RFC1: variants seen among roughly 807,000 people sequenced by gnomAD.
RFC1 encodes replication factor C subunit 1.
A neutral mutation model predicts 137.4 loss-of-function variants in RFC1; 37 were observed. The ratio of observed to expected loss-of-function variants is 0.27; its 90% confidence interval spans 0.21 to 0.35. RFC1 has a LOEUF of 0.35. Among genes scored for constraint, RFC1 ranks in the 10% least tolerant of loss-of-function variants. The pLI, the probability that RFC1 is intolerant of heterozygous loss-of-function variation, is 1.00. For missense variants in RFC1, 1,205 were observed against 1,358.5 expected, an observed-to-expected ratio of 0.89 and a Z score of 1.78; for synonymous variants, 429 against 455.7, an observed-to-expected ratio of 0.94 and a Z score of 0.75.
chr4:39,336,825 A>C (rs187878278), intron 4 of RFC1, among the ~76,000 whole-genome samples: 41 of 152,392 alleles, frequency 2.7e-4, no homozygotes, highest in African/African-American at 8.9e-4. Context: ...ACAGTTATTC[A>C]TAAGAAACTA....
intron 13 of RFC1, among the ~76,000 whole-genome samples, chr4:39,307,081 C>T (rs1425370853): frequency 6.6e-6 from 1 of 152,204 alleles, no homozygotes; most frequent in Non-Finnish European, 1.5e-5. Flanking sequence ...CTTAGCCCCT[C>T]TGTGCCTGCC....
At chr4:39,337,329 G>A (rs1392778500) in intron 4 of RFC1, among the ~76,000 whole-genome samples, 4 of 148,614 alleles carry the variant, frequency 2.7e-5, no homozygotes, top group South Asian at 2.1e-4. Flanking sequence ...ACCCAAGATC[G>A]CACCATTGCA....
intron 4 of RFC1, among the ~76,000 whole-genome samples, chr4:39,330,708 T>C (rs117690419): frequency 6.6e-6 from 1 of 152,328 alleles, no homozygotes; most frequent in East Asian, 1.9e-4. Flanking sequence ...ACTAAAGTGT[T>C]TGCAACCGAA....
intron 7 of RFC1, 174 bp from the exon 8 acceptor site, chr4:39,321,548 T>G: frequency 1.8e-6 from 1 of 560,526 alleles, no homozygotes; most frequent in Non-Finnish European, 3.1e-6. Context: ...GCATATTTTA[T>G]TACTTCATGT....
intron 1 of RFC1, 144 bp from the exon 2 acceptor site, chr4:39,351,620 G>T: frequency 1.6e-6 from 1 of 622,822 alleles, no homozygotes; most frequent in Non-Finnish European, 2.5e-6. Flanking sequence ...GAATATAGTA[G>T]CTTTCTTTTC....
rs1344134089 is a variant in RFC1 at position 39,289,851 on chromosome 4, G to A, written c.3357C>T (p.Ile1119=). 6.2e-7 allele frequency: 1 copy of A among 1,606,386 alleles called. No homozygotes were observed. The highest frequency in any genetic ancestry group is 2.2e-5 in the East Asian group (1 of 44,834). Residue 1119 remains isoleucine (I), a synonymous_variant, in exon 24 of 25, where the codon ATC becomes ATT. Transcript: ENST00000349703. ...TGTCTGTGGCTTAAAATACTACCTT[G>A]ATCATGGCATCAGTTTCTATAGCAT... is the stretch of plus-strand genomic sequence containing the variant. ...DQDAIETDAM[I]KKKTKSSKPS...
chr4:39,306,693 C>T lies in RFC1; in HGVS notation c.1894G>A (p.Gly632Ser). 3.1e-6 allele frequency: 5 copies of T among 1,609,108 alleles called. No individual in the cohort carries two copies. Among genetic ancestry groups the T allele is most frequent in the African/African-American group, 1.3e-5 (1 of 74,950 alleles). ...SSEDKKHAKF[G>S]KFSGKDDGSS... ...CCATCATCTTTGCCGGAAAATTTAC[C>T]AAACTTTGCTGCTAGGAAAAAAGAA... is the stretch of plus-strand genomic sequence containing the variant. Residue 632 changes from glycine (G) to serine (S), a missense_variant, in exon 14 of 25, where the codon GGT (glycine) becomes AGT (serine). Coordinates refer to ENST00000349703, the MANE Select transcript of RFC1 (RefSeq NM_002913.5).
chr4:39,345,428 T>G lies in RFC1; in HGVS notation c.181A>C (p.Lys61Gln), dbSNP rs748251247. Residue 61 changes from lysine (K) to glutamine (Q), a missense_variant, in exon 3 of 25, where the codon AAG becomes CAG. Physicochemically the swap from Lys to Gln is moderately conservative, Grantham distance 53 (BLOSUM62 1). This residue lies in a region of RFC1 where 962 missense variants were observed against 1,035.3 expected (regional missense o/e 0.93). Coordinates refer to ENST00000349703, the MANE Select transcript of RFC1 (RefSeq NM_002913.5). ...EDDFKQKQPS[K>Q]KKRIIYDSDS... Reference sequence around the variant, plus strand: ...GAATCATAGATGATCCTCTTTTTCTTGCTTGGTTGCTTTTGTTTGAAGTCA... The same window carrying G: ...GAATCATAGATGATCCTCTTTTTCTGGCTTGGTTGCTTTTGTTTGAAGTCA... The G allele has an allele frequency of 1.1e-5, 17 of 1,613,918 alleles. No individual in the cohort carries two copies. The highest frequency in any genetic ancestry group is 1.4e-5 in the Non-Finnish European group (17 of 1,179,968).
intron 2 of RFC1, among the ~76,000 whole-genome samples, chr4:39,346,738 G>A (rs564915064): frequency 3.4e-4 from 52 of 152,152 alleles, no homozygotes; most frequent in South Asian, 1.5e-3. Flanking sequence ...TATACCACTG[G>A]ATCAAGGACA....
Position 39,320,627 on chromosome 4 carries a change from G to A in RFC1, c.851C>T (p.Pro284Leu). 1 of 1,601,676 alleles carries A rather than the reference G, an allele frequency of 6.2e-7. No homozygotes were observed. Among genetic ancestry groups the A allele is most frequent in the Non-Finnish European group, 8.5e-7 (1 of 1,176,716 alleles). ...ACTTTCATATTTACTTTGCTTCCTA[G>A]GACTGTAGCTCTTTCTTTCATCTGA... ...QVSDERKSYSPRKQSKYESSK... is the reference protein window; with the variant it reads ...QVSDERKSYSLRKQSKYESSK... The change falls in exon 9 of 25, where the codon CCT becomes CTT. Residue 284 changes from proline to leucine, a missense_variant. This residue lies in a region of RFC1 where 962 missense variants were observed against 1,035.3 expected (regional missense o/e 0.93). Transcript: ENST00000349703.
chr4:39,341,805 T>G (rs540343097), intron 4 of RFC1: 4 of 365,612 alleles, frequency 1.1e-5, no homozygotes, highest in African/African-American at 4.2e-5. Context: ...AACAAAATAT[T>G]TGAGATTAGC....
chr4:39,360,040 T>C (rs112345539), intron 1 of RFC1, among the ~76,000 whole-genome samples: 2,174 of 151,886 alleles, frequency 0.014, 48 homozygotes, highest in African/African-American at 0.05. Flanking sequence ...AAAATAATAA[T>C]AAATAAATAA....
intron 1 of RFC1, among the ~76,000 whole-genome samples, chr4:39,357,259 C>T (rs1020943703): frequency 6.6e-6 from 1 of 152,140 alleles, no homozygotes; most frequent in African/African-American, 2.4e-5. Context: ...AGGCCACTCC[C>T]ATGACAGCAA....
At chr4:39,364,501 C>T (rs1434551824) in intron 1 of RFC1, among the ~76,000 whole-genome samples, 1 of 152,152 alleles carries the variant, frequency 6.6e-6, no homozygotes, top group Non-Finnish European at 1.5e-5. Context: ...TTTTTATCTG[C>T]ACCATGAACA....
At position 39,295,534 on chromosome 4, in the gene RFC1, T is replaced by C. The variant is rs1408180047; in HGVS notation, c.2954+80A>G. On this transcript the variant is annotated intron_variant, in intron 22 of 24. Transcript: ENST00000349703. ...AAATAAAAACTAAAACACAAATCTTTTGACTCACATGATCATTACTGGATA... is the reference window on the plus strand; with the variant it reads ...AAATAAAAACTAAAACACAAATCTTCTGACTCACATGATCATTACTGGATA... 5 of 1,187,740 alleles carry C rather than the reference T, an allele frequency of 4.2e-6. No homozygotes were observed. In the East Asian group the frequency reaches 9.9e-5, roughly 24 times the overall value. The allele number at this position is 1,187,740 out of a possible 1,614,324, so 73.6% of individuals were successfully genotyped here.
chr4:39,346,496 T>C (rs969543535), intron 2 of RFC1, among the ~76,000 whole-genome samples: 5 of 151,260 alleles, frequency 3.3e-5, no homozygotes, highest in Admixed American at 1.3e-4. Flanking sequence ...AAAAAAGTAC[T>C]AAATAAAACC....
chr4:39,363,033 G>T (rs1327242626), intron 1 of RFC1, among the ~76,000 whole-genome samples: 1 of 152,228 alleles, frequency 6.6e-6, no homozygotes, highest in Non-Finnish European at 1.5e-5. Flanking sequence ...CAATGAAACA[G>T]TTCAGACCAC....
At chr4:39,327,210 G>A (rs1174923772) in intron 5 of RFC1, among the ~76,000 whole-genome samples, 2 of 152,082 alleles carry the variant, frequency 1.3e-5, no homozygotes, top group Non-Finnish European at 1.5e-5. Context: ...CAAATTTATC[G>A]CTAATATTGA....
chr4:39,318,536 C>G (rs1317473386), intron 9 of RFC1, among the ~76,000 whole-genome samples: 1 of 152,202 alleles, frequency 6.6e-6, no homozygotes, highest in Non-Finnish European at 1.5e-5. Flanking sequence ...ATTAAATAGA[C>G]TTTATTTGAC....
Sources: allele counts gnomAD v4.1 joint callset (sites outside exome capture counted in the v4.1 genomes callset), GRCh38; gene constraint gnomAD v4.1.1; regional missense constraint gnomAD v4.1.1; transcripts MANE v1.5; gene names NCBI Gene and HGNC (gene_info 2026-07-23, HGNC 2026-07-21).